OCM: variants seen among roughly 807,000 people sequenced by gnomAD.
OCM encodes the protein oncomodulin-1.
Under a neutral mutation model 14.1 loss-of-function variants are expected in OCM, and 18 were observed. The ratio of observed to expected loss-of-function variants is 1.28; its 90% confidence interval spans 0.88 to 1.89. OCM has a LOEUF of 1.89. OCM is among the 40% of genes most tolerant of loss of function. The pLI, the probability that OCM is intolerant of heterozygous loss-of-function variation, is 0.00. For missense variants in OCM, 140 were observed against 137.6 expected, an observed-to-expected ratio of 1.02 and a Z score of -0.09; for synonymous variants, 48 against 51.0, an observed-to-expected ratio of 0.94 and a Z score of 0.25.
the OCM span, among the ~76,000 whole-genome samples, chr7:5,863,668 G>A: frequency 6.6e-6 from 1 of 151,998 alleles, no homozygotes; most frequent in African/African-American, 2.4e-5. Context: ...AGGTAGCTGG[G>A]ATTACAGGTG....
the OCM span, among the ~76,000 whole-genome samples, chr7:5,871,293 T>G: frequency 1.3e-5 from 2 of 150,418 alleles, no homozygotes; most frequent in African/African-American, 2.5e-5. Flanking sequence ...AGGCAGAGGC[T>G]GCAGTGAGCC....
At chr7:5,865,185 G>A in the OCM span, among the ~76,000 whole-genome samples, 1 of 151,884 alleles carries the variant, frequency 6.6e-6, no homozygotes, top group East Asian at 1.9e-4. Context: ...GGGCCGACGA[G>A]TAGTGTGATT....
At chr7:5,871,970 C>G in the OCM span, 3 of 152,306 alleles carry the variant, frequency 2.0e-5, no homozygotes, top group African/African-American at 7.2e-5. Flanking sequence ...CCCTGCTGCC[C>G]AGAGCTCCCG....
At chr7:5,882,840 CTTTTT>C (rs10581848) in intron 2 of OCM, among the ~76,000 whole-genome samples, 21 of 119,494 alleles carry the variant, frequency 1.8e-4, no homozygotes, top group African/African-American at 3.0e-4. Flanking sequence ...TGCAAAGATT[CTTTTT>C]TTTTTTTTTT....
intron 3 of OCM, among the ~76,000 whole-genome samples, chr7:5,885,483 C>G (rs950163627): frequency 6.6e-6 from 1 of 152,094 alleles, no homozygotes; most frequent in Non-Finnish European, 1.5e-5. Flanking sequence ...TTGACAAGTT[C>G]TAATTCAAAG....
the OCM span, among the ~76,000 whole-genome samples, chr7:5,868,339 G>C: frequency 6.6e-6 from 1 of 151,738 alleles, no homozygotes; most frequent in African/African-American, 2.4e-5. Context: ...TAGAGATGGG[G>C]GTCTCACTAT....
At position 5,882,208 on chromosome 7, in the gene OCM, G is replaced by A. The variant is rs183686705; in HGVS notation, c.62-285G>A. Among the ~76,000 whole-genome samples, 209 of 149,924 alleles carry A rather than the reference G, an allele frequency of 1.4e-3. 1 individual carries two copies. The highest frequency in any genetic ancestry group is 5.0e-3 in the African/African-American group (205 of 40,914). ...GGGATGCTGGGGGCTCAGCCACACA[G>A]CCTGTAAAGTGGGCCAGGGGGAGGG... On this transcript the variant is annotated intron_variant, in intron 1 of 3. Transcript: ENST00000242104.
At chr7:5,869,336 G>A in the OCM span, among the ~76,000 whole-genome samples, 2 of 152,014 alleles carry the variant, frequency 1.3e-5, no homozygotes, top group African/African-American at 4.8e-5. Flanking sequence ...GGTGGCTCAT[G>A]GCTGTAATCC....
rs1423671060 is a variant in OCM, at chr7:5,886,304, C to T, written c.*215C>T. 5.4e-6 allele frequency: 3 copies of T among 557,784 alleles called. No individual in the cohort carries two copies. Among genetic ancestry groups the T allele is most frequent in the East Asian group, 2.8e-5 (1 of 35,120 alleles). 34.6% of individuals were successfully genotyped at this position (557,784 alleles called of 1,614,324 possible). A position where few individuals can be genotyped will look rare whatever the true frequency, so the allele number is the denominator to read the frequency against. The stretch of plus-strand genomic sequence containing the variant: ...TATGCCCTGACAACTTCTGTAAGCC[C>T]CCCTTCCCCCAACAGGCAATGCCTC... On this transcript the variant is annotated 3_prime_UTR_variant, in exon 4 of 4. Transcript: ENST00000242104.
chr7:5,864,133 A>G, the OCM span, among the ~76,000 whole-genome samples: 1 of 152,046 alleles, frequency 6.6e-6, no homozygotes, highest in South Asian at 2.1e-4. Context: ...TGAGCCCATG[A>G]GTGCAAGACC....
chr7:5,870,496 C>G, the OCM span, among the ~76,000 whole-genome samples: 7,098 of 152,294 alleles, frequency 0.047, 221 homozygotes, highest in Non-Finnish European at 0.07. Flanking sequence ...TTTCTTCTCA[C>G]TGGGGTTCTG....
chr7:5,860,448 T>C, the OCM span, among the ~76,000 whole-genome samples: 1 of 136,850 alleles, frequency 7.3e-6, no homozygotes, highest in Non-Finnish European at 1.6e-5. Flanking sequence ...TATATATACG[T>C]GTATGTATAT....
the OCM span, among the ~76,000 whole-genome samples, chr7:5,866,595 C>A: frequency 6.6e-6 from 1 of 152,084 alleles, no homozygotes; most frequent in African/African-American, 2.4e-5. Flanking sequence ...TATTAAAAAA[C>A]CAAATGTGTT....
At chr7:5,863,517 G>C in the OCM span, among the ~76,000 whole-genome samples, 7 of 150,880 alleles carry the variant, frequency 4.6e-5, no homozygotes, top group Non-Finnish European at 1.0e-4. Flanking sequence ...CTTTAGATAG[G>C]ATGTGGATGG....
the OCM span, among the ~76,000 whole-genome samples, chr7:5,874,654 G>A: frequency 2.0e-5 from 3 of 151,730 alleles, no homozygotes; most frequent in Non-Finnish European, 4.4e-5. Context: ...ATAGGTGCAC[G>A]CAACCATGTC....
the OCM span, among the ~76,000 whole-genome samples, chr7:5,872,927 G>A: frequency 6.6e-6 from 1 of 152,120 alleles, no homozygotes; most frequent in African/African-American, 2.4e-5. Context: ...ATGGGGCTGG[G>A]CACGGTGGCT....
chr7:5,865,631 A>G, the OCM span, among the ~76,000 whole-genome samples: 10 of 152,310 alleles, frequency 6.6e-5, no homozygotes, highest in African/African-American at 2.2e-4. Flanking sequence ...TAATGCAAAA[A>G]CCACAATAAC....
chr7:5,865,295 C>T, the OCM span, among the ~76,000 whole-genome samples: 36 of 152,268 alleles, frequency 2.4e-4, no homozygotes, highest in Admixed American at 2.2e-3. Context: ...TTGAGGATGC[C>T]GTCTAGAAAA....
the OCM span, among the ~76,000 whole-genome samples, chr7:5,863,955 A>C: frequency 1.3e-5 from 2 of 151,898 alleles, no homozygotes; most frequent in African/African-American, 4.8e-5. Context: ...TTTCTCAGTT[A>C]AGGAGAAGGC....
Sources: gnomAD v4.1 joint callset for allele counts (sites outside exome capture counted in the v4.1 genomes callset) on GRCh38, gnomAD v4.1.1 for gene constraint, MANE v1.5 for transcripts, NCBI Gene and HGNC (gene_info 2026-07-23, HGNC 2026-07-21) for gene names.